Variants in NOVA1 observed in about 807,000 individuals in gnomAD.
The protein encoded by NOVA1 is RNA-binding protein Nova-1.
In NOVA1, 7 loss-of-function variants were observed where a neutral mutation model predicts 38.0. That is an observed-to-expected ratio of 0.18 (90% CI 0.10 to 0.35). NOVA1 has a LOEUF of 0.35. Ranked by LOEUF, NOVA1 falls within the 10% of genes least tolerant of loss-of-function variation. NOVA1 has a pLI of 1.00. For synonymous variants in NOVA1, 270 were observed against 232.5 expected (o/e 1.16, Z -1.47); for missense variants, 460 against 616.0 (o/e 0.75, Z 2.68).
At chr14:26,568,439 T>A (rs1040968480) in intron 2 of NOVA1, 1 of 152,158 alleles carries the variant, frequency 6.6e-6, no homozygotes, top group Non-Finnish European at 1.5e-5. Context: ...GAAATGGTTA[T>A]AATAGACGTA....
At chr14:26,493,779 G>C (rs1481663717) in intron 2 of NOVA1, among the ~76,000 whole-genome samples, 1 of 151,922 alleles carries the variant, frequency 6.6e-6, no homozygotes, top group Non-Finnish European at 1.5e-5. Context: ...TTGATCTCCT[G>C]CCCCTACTCA....
intron 2 of NOVA1, among the ~76,000 whole-genome samples, chr14:26,515,928 T>C (rs936010385): frequency 6.6e-6 from 1 of 152,110 alleles, no homozygotes; most frequent in Non-Finnish European, 1.5e-5. Flanking sequence ...ATATCTTAAA[T>C]TTTCAAGAAC....
chr14:26,525,849 A>T (rs1211434690), intron 2 of NOVA1, among the ~76,000 whole-genome samples: 1 of 152,052 alleles, frequency 6.6e-6, no homozygotes. Context: ...GTAAAAAATT[A>T]ATATATTTGT....
chr14:26,584,556 T>C (rs1449844719), intron 2 of NOVA1, among the ~76,000 whole-genome samples: 1 of 151,378 alleles, frequency 6.6e-6, no homozygotes, highest in Non-Finnish European at 1.5e-5. Context: ...CTCTTACCTG[T>C]ACAGATATCT....
chr14:26,472,286 A>C, intron 4 of NOVA1, 34 bp downstream of exon 4: 3 of 1,347,006 alleles, frequency 2.2e-6, no homozygotes, highest in East Asian at 2.3e-5. Context: ...TCACCCGTGA[A>C]AAGTATGGTG....
At chr14:26,535,173 T>C (rs1417265897) in intron 2 of NOVA1, among the ~76,000 whole-genome samples, 3 of 152,196 alleles carry the variant, frequency 2.0e-5, no homozygotes, top group Non-Finnish European at 4.4e-5. Flanking sequence ...AAACAACTAG[T>C]AATTGCCTTA....
At chr14:26,537,754 A>C (rs1890205714) in intron 2 of NOVA1, among the ~76,000 whole-genome samples, 1 of 152,196 alleles carries the variant, frequency 6.6e-6, no homozygotes, top group Admixed American at 6.5e-5. Flanking sequence ...AAATAAGTTC[A>C]GACAGTGATA....
At chr14:26,589,219 T>G (rs1893701572) in intron 2 of NOVA1, among the ~76,000 whole-genome samples, 1 of 151,684 alleles carries the variant, frequency 6.6e-6, no homozygotes, top group Non-Finnish European at 1.5e-5. Context: ...TACCTTTGAA[T>G]ATATTGTCTA....
rs1035230521 is a variant in NOVA1 at position 26,444,292 on chromosome 14, G to A, written c.*3667C>T. On this transcript the variant is annotated 3_prime_UTR_variant, in exon 5 of 5. Transcript: ENST00000539517. ...ACATTAGAAGTGGTACACAAAAAAC[G>A]GGGATAAAATTTATCAGATTCTTGA... The A allele has an allele frequency of 1.1e-4, 16 of 151,840 alleles. No individual in the cohort carries two copies. The highest frequency in any genetic ancestry group is 3.6e-4 in the African/African-American group (15 of 41,336). The allele number at this position is 151,840 out of a possible 1,614,324, so 9.4% of individuals were successfully genotyped here.
chr14:26,540,911 A>C (rs574662114), intron 2 of NOVA1, among the ~76,000 whole-genome samples: 1 of 152,294 alleles, frequency 6.6e-6, no homozygotes, highest in South Asian at 2.1e-4. Context: ...TAGTACACAA[A>C]CCTATTTTTA....
At chr14:26,451,618 C>T (rs1027574702) in intron 4 of NOVA1, among the ~76,000 whole-genome samples, 1 of 152,126 alleles carries the variant, frequency 6.6e-6, no homozygotes, top group Non-Finnish European at 1.5e-5. Flanking sequence ...GGTGATCCGC[C>T]TGCCTCGGCC....
At chr14:26,593,793 ATGAAAAGGCATT>A (rs1173718382) in intron 2 of NOVA1, 3 of 151,968 alleles carry the variant, frequency 2.0e-5, no homozygotes, top group African/African-American at 7.2e-5. Context: ...CTATATTCAA[ATGAAAAGGCATT>A]TAATTTACTA....
chr14:26,542,619 ACAAC>A (rs199654092), intron 2 of NOVA1, among the ~76,000 whole-genome samples: 2,101 of 151,732 alleles, frequency 0.014, 22 homozygotes, highest in Non-Finnish European at 0.017. Context: ...TTATTCTTTT[ACAAC>A]CAACCCTTTT....
intron 2 of NOVA1, among the ~76,000 whole-genome samples, chr14:26,531,504 G>C (rs1015376468): frequency 5.3e-5 from 8 of 152,172 alleles, no homozygotes. Flanking sequence ...CTACTCAGGA[G>C]GCTGAGACAG....
chr14:26,595,356 A>G lies in NOVA1; in HGVS notation c.280+54T>C. The G allele has an allele frequency of 4.5e-6, 7 of 1,552,512 alleles. No homozygotes were observed. The South Asian group carries it at 8.3e-5, about 18-fold the overall frequency. On this transcript the variant is annotated intron_variant, in intron 2 of 4. Transcript: ENST00000539517. ...TCAAGACAGCACACAACACAAGTAG[A>G]TCTTTCTTTCCTGTGGGGAGCTCAT...
intron 2 of NOVA1, among the ~76,000 whole-genome samples, chr14:26,509,095 C>G (rs111754263): frequency 7.9e-5 from 12 of 152,128 alleles, no homozygotes; most frequent in African/African-American, 2.9e-4. Context: ...TAAGACATCT[C>G]AAGAAACAAT....
intron 2 of NOVA1, among the ~76,000 whole-genome samples, chr14:26,587,320 A>AAC (rs1566561953): frequency 1.3e-5 from 2 of 150,420 alleles, no homozygotes; most frequent in Non-Finnish European, 3.0e-5. Context: ...AAAAAAAAAA[A>AAC]AAACAAAAAT....
chr14:26,500,675 T>G (rs1298054677), intron 2 of NOVA1, among the ~76,000 whole-genome samples: 1 of 152,006 alleles, frequency 6.6e-6, no homozygotes, highest in African/African-American at 2.4e-5. Flanking sequence ...ACCATATTCA[T>G]AAAATTCTGA....
intron 2 of NOVA1, among the ~76,000 whole-genome samples, chr14:26,534,529 T>G (rs1440694914): frequency 6.6e-6 from 1 of 152,102 alleles, no homozygotes; most frequent in African/African-American, 2.4e-5. Context: ...ACATGGAGAT[T>G]TTATAACTGG....
Sources: gnomAD v4.1 joint callset for allele counts (sites outside exome capture counted in the v4.1 genomes callset) on GRCh38, gnomAD v4.1.1 for gene constraint, MANE v1.5 for transcripts, NCBI Gene and HGNC (gene_info 2026-07-23, HGNC 2026-07-21) for gene names.